The following DIAPH2 variants were observed in gnomAD, a reference collection of about 807,000 sequenced individuals.
DIAPH2 encodes diaphanous related formin 2.
DIAPH2 carries 35 observed loss-of-function variants against 92.7 expected under a neutral mutation model. That is an observed-to-expected ratio of 0.38 (90% CI 0.29 to 0.50). The LOEUF (loss-of-function observed/expected upper bound fraction) is 0.50, where lower values mean the gene tolerates loss of function less well. Ranked by LOEUF, DIAPH2 falls within the 20% of genes least tolerant of loss-of-function variation. The pLI, the probability that DIAPH2 is intolerant of heterozygous loss-of-function variation, is 0.94. For missense variants in DIAPH2, 701 were observed against 819.5 expected, an observed-to-expected ratio of 0.86 and a Z score of 1.77; for synonymous variants, 301 against 280.4, an observed-to-expected ratio of 1.07 and a Z score of -0.73.
At chrX:96,865,723 T>C (rs2065100568) in intron 4 of DIAPH2, among the ~76,000 whole-genome samples, 1 of 112,211 alleles carries the variant, frequency 8.9e-6, no homozygotes, top group South Asian at 3.7e-4. Flanking sequence ...TTCCCATTTA[T>C]AAAATGTGTG....
At chrX:96,770,957 G>C (rs756326710) in intron 4 of DIAPH2, among the ~76,000 whole-genome samples, 2 of 111,567 alleles carry the variant, frequency 1.8e-5, no homozygotes, top group African/African-American at 6.5e-5. Flanking sequence ...TTTTGGATAG[G>C]GGTATCTGTA....
chrX:96,918,679 C>A, intron 9 of DIAPH2, 62 bp downstream of exon 9: 1 of 787,988 alleles, frequency 1.3e-6, no homozygotes, highest in Non-Finnish European at 1.8e-6. Flanking sequence ...TTTTGTATGA[C>A]ATCAACTCCA....
At chrX:97,170,939 C>T (rs1042928834) in intron 22 of DIAPH2, among the ~76,000 whole-genome samples, 1 of 109,779 alleles carries the variant, frequency 9.1e-6, no homozygotes, top group Admixed American at 9.8e-5. Context: ...TGCAGTGGTG[C>T]GATCTTAGCT....
chrX:97,223,124 C>A (rs912054446), intron 22 of DIAPH2, among the ~76,000 whole-genome samples: 30 of 111,846 alleles, frequency 2.7e-4, no homozygotes, highest in African/African-American at 7.5e-4. Context: ...CCACTGAGCC[C>A]AGCTTGTTTT....
chrX:97,301,150 C>CAAA (rs1220185711), intron 23 of DIAPH2, among the ~76,000 whole-genome samples: 33 of 32,174 alleles, frequency 1.0e-3, no homozygotes, highest in African/African-American at 3.0e-3. Flanking sequence ...GACTCCGTCT[C>CAAA]AAAAAAAAAA....
chrX:96,884,015 T>G (rs1057315833), intron 5 of DIAPH2: 11 of 236,732 alleles, frequency 4.6e-5, no homozygotes, highest in South Asian at 1.6e-4. Context: ...AGGGCTCCCC[T>G]CGTGTGGGAC....
intron 5 of DIAPH2, among the ~76,000 whole-genome samples, chrX:96,909,984 G>C (rs1008009056): frequency 9.0e-6 from 1 of 110,742 alleles, no homozygotes; most frequent in African/African-American, 3.3e-5. Flanking sequence ...GAAACAATTT[G>C]TGGTAAATTT....
intron 17 of DIAPH2, among the ~76,000 whole-genome samples, chrX:97,072,453 C>T (rs763571194): frequency 8.9e-6 from 1 of 112,555 alleles, no homozygotes; most frequent in East Asian, 2.8e-4. Flanking sequence ...TGGTTCATAA[C>T]TATTCTTCAA....
chrX:97,577,154 C>T (rs992279542), intron 26 of DIAPH2, among the ~76,000 whole-genome samples: 1 of 111,840 alleles, frequency 8.9e-6, no homozygotes, highest in Non-Finnish European at 1.9e-5. Context: ...AGAAAGCTGT[C>T]TCTAGAACCA....
At chrX:97,408,669 T>G (rs1332989000) in intron 25 of DIAPH2, among the ~76,000 whole-genome samples, 1 of 112,140 alleles carries the variant, frequency 8.9e-6, no homozygotes, top group Non-Finnish European at 1.9e-5. Context: ...TGAATAGATC[T>G]GGTGAGCTAA....
rs931195557 is a variant in DIAPH2, at chrX:97,604,169, G to A, written c.*4852G>A. On this transcript the variant is annotated 3_prime_UTR_variant, in exon 27 of 27. Coordinates refer to ENST00000324765, the MANE Select transcript of DIAPH2 (RefSeq NM_006729.5). ...TTCTTGTGGCTGCCATCATTCCTTG[G>A]TTTGTGACTGCATCTCCCTCTCCTC... 5 of 111,653 alleles carry A rather than the reference G, an allele frequency of 4.5e-5. No individual in the cohort carries two copies. The highest frequency in any genetic ancestry group is 9.4e-5 in the Non-Finnish European group (5 of 53,071). 9.2% of individuals were successfully genotyped at this position (111,653 alleles called of 1,213,427 possible).
chrX:96,840,775 AT>A (rs58912392), intron 4 of DIAPH2, among the ~76,000 whole-genome samples: 22 of 102,728 alleles, frequency 2.1e-4, no homozygotes, highest in Admixed American at 4.2e-4. Context: ...TGCCCAGCTA[AT>A]TTTTTTTTTT....
chrX:96,691,803 C>T (rs1032583708), intron 1 of DIAPH2, among the ~76,000 whole-genome samples: 7 of 112,057 alleles, frequency 6.2e-5, no homozygotes, highest in African/African-American at 2.3e-4. Context: ...TGAGAAGCTT[C>T]TAGGTAGCTA....
chrX:96,827,267 A>G (rs965412866), intron 4 of DIAPH2, among the ~76,000 whole-genome samples: 23 of 112,228 alleles, frequency 2.0e-4, no homozygotes, highest in Admixed American at 5.7e-4. Flanking sequence ...TCTGTTATCT[A>G]TCTAACACTT....
intron 26 of DIAPH2, among the ~76,000 whole-genome samples, chrX:97,578,279 C>T (rs896716253): frequency 9.2e-6 from 1 of 108,470 alleles, no homozygotes; most frequent in African/African-American, 3.4e-5. Flanking sequence ...ACTAACTCGT[C>T]ATCTAGCATT....
intron 17 of DIAPH2, among the ~76,000 whole-genome samples, chrX:97,048,629 C>T (rs1429350823): frequency 1.8e-5 from 2 of 111,392 alleles, no homozygotes; most frequent in African/African-American, 6.5e-5. Context: ...GGTTATCTAA[C>T]ATTTATCATA....
chrX:97,262,481 C>A (rs777798766), intron 23 of DIAPH2, among the ~76,000 whole-genome samples: 2 of 111,848 alleles, frequency 1.8e-5, no homozygotes, highest in African/African-American at 3.3e-5. Flanking sequence ...TGAGGGAGAA[C>A]GTAGAAGGAG....
rs141931807 is a variant in DIAPH2, at chrX:96,788,571, A to T, written c.447+30313A>T. The stretch of plus-strand genomic sequence containing the variant: ...ATTAACACCCCTATTATTATTAGGG[A>T]AGCATGCAAATTGTGTAAGTAAAAT... On this transcript the variant is annotated intron_variant, in intron 4 of 26. Coordinates refer to ENST00000324765, the MANE Select transcript of DIAPH2 (RefSeq NM_006729.5). 7.0e-3 allele frequency among the ~76,000 whole-genome samples: 784 copies of T among 111,655 alleles called. 6 individuals are homozygous for T. Among genetic ancestry groups the T allele is most frequent in the African/African-American group, 0.025 (759 of 30,765 alleles).
chrX:96,892,646 A>G (rs763750164), intron 5 of DIAPH2, among the ~76,000 whole-genome samples: 3 of 111,982 alleles, frequency 2.7e-5, no homozygotes, highest in African/African-American at 9.7e-5. Context: ...AGCAAAGTAG[A>G]TTTATGTGTC....
Sources: gnomAD v4.1 joint callset for allele counts (sites outside exome capture counted in the v4.1 genomes callset) on GRCh38, gnomAD v4.1.1 for gene constraint, MANE v1.5 for transcripts, NCBI Gene and HGNC (gene_info 2026-07-23, HGNC 2026-07-21) for gene names.